Variants in ADAM8 observed in about 807,000 individuals in gnomAD.
ADAM8 encodes ADAM metallopeptidase domain 8.
ADAM8 carries 104 observed loss-of-function variants against 102.4 expected under a neutral mutation model. The ratio of observed to expected loss-of-function variants is 1.02; its 90% confidence interval spans 0.87 to 1.20. ADAM8 has a LOEUF of 1.20. Ranked by LOEUF, ADAM8 falls within the 50% of genes most tolerant of loss-of-function variation. The pLI is 0.00. For missense variants in ADAM8, 1,132 were observed against 1,159.0 expected, an observed-to-expected ratio of 0.98 and a Z score of 0.34; for synonymous variants, 517 against 485.2, an observed-to-expected ratio of 1.07 and a Z score of -0.86.
In ADAM8 at chr10:133,273,982, C is replaced by T. The variant is rs771358569; in HGVS notation, c.275G>A (p.Gly92Asp). 6.2e-7 allele frequency: 1 copy of T among 1,606,360 alleles called. No homozygotes were observed. The highest frequency in any genetic ancestry group is 8.5e-7 in the Non-Finnish European group (1 of 1,178,360). The change falls in exon 4 of 23, where the codon GGC becomes GAC. Residue 92 changes from glycine (G) to aspartate (D), a missense_variant. Physicochemically the swap from Gly to Asp is moderately conservative, Grantham distance 94 (BLOSUM62 -1). Transcript: ENST00000445355. Reference protein sequence around the residue: ...GYTETYTAANGSEVTEQPRGQ... With the variant: ...GYTETYTAANDSEVTEQPRGQ... Reference sequence around the variant, plus strand: ...GCGAGGCTGCTCCGTCACCTCGGAGCCATTGGCAGCCGTATAGGTCTCTGT... The same window carrying T: ...GCGAGGCTGCTCCGTCACCTCGGAGTCATTGGCAGCCGTATAGGTCTCTGT...
At position 133,273,407 on chromosome 10, in the gene ADAM8, G is replaced by A. The variant is rs1002438265; in HGVS notation, c.420C>T (p.Ile140=). ...CCTCGCCACCTTCATCCAGGGGCTC[G>A]ATCAGGTGCAGGTCTGACCCCACCT... The part of the protein sequence containing the change: ...FFQVGSDLHL[I]EPLDEGGEGG... The change falls in exon 6 of 23, where the codon ATC becomes ATT. Residue 140 remains isoleucine (I), a synonymous_variant. Coordinates refer to ENST00000445355, the MANE Select transcript of ADAM8 (RefSeq NM_001109.5). 33 of 1,548,710 alleles carry A rather than the reference G, an allele frequency of 2.1e-5. No individual in the cohort carries two copies. The East Asian group carries it at 2.9e-4, about 14-fold the overall frequency.
chr10:133,267,229 C>T (rs1487474229), intron 21 of ADAM8, 123 bp downstream of exon 21: 5 of 1,130,770 alleles, frequency 4.4e-6, no homozygotes, highest in East Asian at 2.6e-5. Flanking sequence ...GCTAACCAGC[C>T]TTCTGTGTAC....
chr10:133,266,002 C>T (rs118085104), intron 21 of ADAM8, among the ~76,000 whole-genome samples: 134 of 152,252 alleles, frequency 8.8e-4, no homozygotes, highest in Admixed American at 1.8e-3. Flanking sequence ...TCCAACTAGG[C>T]GCTGTGTCAA....
chr10:133,273,412 G>A lies in ADAM8; in HGVS notation c.415C>T (p.Leu139=), dbSNP rs1846624749. 3 of 1,547,584 alleles carry A rather than the reference G, an allele frequency of 1.9e-6. No homozygotes were observed. The highest frequency in any genetic ancestry group is 2.6e-6 in the Non-Finnish European group (3 of 1,145,324). The part of the protein sequence containing the change: ...GFFQVGSDLH[L]IEPLDEGGEG... ...CCACCTTCATCCAGGGGCTCGATCA[G>A]GTGCAGGTCTGACCCCACCTGGAAG... Residue 139 remains leucine, a synonymous_variant, in exon 6 of 23, where the codon CTG becomes TTG. Transcript: ENST00000445355.
chr10:133,268,830 C>G lies in ADAM8; in HGVS notation c.1981G>C (p.Val661Leu), dbSNP rs1846419745. 3 of 1,610,108 alleles carry G rather than the reference C, an allele frequency of 1.9e-6. No homozygotes were observed. In the South Asian group the frequency reaches 3.3e-5, roughly 18 times the overall value. The change falls in exon 19 of 23, where the codon GTT (valine) becomes CTT (leucine). Residue 661 changes from valine to leucine, a missense_variant. By Grantham distance (32) the Val-to-Leu change is conservative. Transcript: ENST00000445355. ...SGSLPVFVVV[V>L]LVLLAVVLVT... ...AGCACAACTGCCAGGAGCACCAGAA[C>G]CACCACCACGAAGACGGGGAGGCTC...
chr10:133,272,401 G>T lies in ADAM8; in HGVS notation c.875+15C>A. 2 of 714,512 alleles carry T rather than the reference G, an allele frequency of 2.8e-6. No individual in the cohort carries two copies. The highest frequency in any genetic ancestry group is 1.9e-6 in the Non-Finnish European group (1 of 521,052). 44.3% of individuals were successfully genotyped at this position (714,512 alleles called of 1,614,324 possible). ...CTCCCCAGCCCTCCCCACCCTGCCC[G>T]CTCCGCCAGCTCACGTGATGAGCTG... is the stretch of plus-strand genomic sequence containing the variant. On this transcript the variant is annotated intron_variant, in intron 9 of 22. Transcript: ENST00000445355.
chr10:133,271,096 AT>A (rs1468290156), intron 13 of ADAM8, 26 bp from the exon 14 acceptor site: 1 of 1,603,732 alleles, frequency 6.2e-7, no homozygotes, highest in South Asian at 1.1e-5. Context: ...ACAGCTCACC[AT>A]GGGGACAGGT....
rs539284986 is a variant in ADAM8 at position 133,262,899 on chromosome 10, G to A, written c.*257C>T. 3 of 615,428 alleles carry A rather than the reference G, an allele frequency of 4.9e-6. No homozygotes were observed. Among genetic ancestry groups the A allele is most frequent in the Non-Finnish European group, 5.9e-6 (2 of 341,390 alleles). The allele number at this position is 615,428 out of a possible 1,614,324, so 38.1% of individuals were successfully genotyped here. A position where few individuals can be genotyped will look rare whatever the true frequency, so the allele number is the denominator to read the frequency against. On this transcript the variant is annotated 3_prime_UTR_variant, in exon 23 of 23. Coordinates refer to ENST00000445355, the MANE Select transcript of ADAM8 (RefSeq NM_001109.5). ...GAGACACGTACACACACACGCACCC[G>A]CAAGCACACAGCTCATCCCAGCCTG...
rs1846558150 is a variant in ADAM8 at position 133,272,272 on chromosome 10, C to T, written c.878G>A (p.Gly293Asp). Residue 293 changes from glycine to aspartate, a missense_variant and splice_region_variant, in exon 10 of 23, where the codon GGT becomes GAT. Coordinates refer to ENST00000445355, the MANE Select transcript of ADAM8 (RefSeq NM_001109.5). ...CACGGTAGTCCCGGTGAAGTCGACA[C>T]CCCTGGAAGTGGGAGTGACACAGAT... ...HLHDNVQLITGVDFTGTTVGF... is the reference protein window; with the variant it reads ...HLHDNVQLITDVDFTGTTVGF... 1.3e-6 allele frequency: 2 copies of T among 1,531,258 alleles called. No individual in the cohort carries two copies. The highest frequency in any genetic ancestry group is 8.8e-7 in the Non-Finnish European group (1 of 1,134,088). The allele number at this position is 1,531,258 out of a possible 1,614,324, so 94.9% of individuals were successfully genotyped here.
rs773735438 is a variant in ADAM8, at chr10:133,269,880, C to T, written c.1863+17G>A. 1.9e-5 allele frequency: 31 copies of T among 1,612,132 alleles called. No homozygotes were observed. The highest frequency in any genetic ancestry group is 4.5e-5 in the East Asian group (2 of 44,894). On this transcript the variant is annotated intron_variant, in intron 17 of 22. Coordinates refer to ENST00000445355, the MANE Select transcript of ADAM8 (RefSeq NM_001109.5). ...CAGCCTCTGTGCAGGGGCCCTGTCC[C>T]GAGAGGCCACACATACCCCATGGTT... is the stretch of plus-strand genomic sequence containing the variant.
At chr10:133,267,896 C>A in intron 20 of ADAM8, 33 bp downstream of exon 20, 1 of 1,255,768 alleles carries the variant, frequency 8.0e-7, no homozygotes, top group Non-Finnish European at 1.0e-6. Flanking sequence ...GCACTGCTTT[C>A]GGCCTCATGA....
intron 17 of ADAM8, 129 bp from the exon 18 acceptor site, chr10:133,269,658 G>A (rs1227413839): frequency 1.8e-5 from 19 of 1,057,718 alleles, no homozygotes; most frequent in Admixed American, 8.4e-5. Context: ...GCCCACATGC[G>A]CCGACGGCGA....
chr10:133,264,058 CTTTTT>C (rs3058139), intron 21 of ADAM8, among the ~76,000 whole-genome samples: 6,067 of 84,188 alleles, frequency 0.072, 412 homozygotes, highest in African/African-American at 0.2. Context: ...TTTTCCTTTC[CTTTTT>C]TTTTTTTTTT....
chr10:133,269,629 CG>C, intron 17 of ADAM8, 100 bp from the exon 18 acceptor site: 1 of 1,255,622 alleles, frequency 8.0e-7, no homozygotes. Flanking sequence ...GCCCCACCCC[CG>C]AGGGCCCCTC....
chr10:133,268,682 C>G, intron 19 of ADAM8, 66 bp downstream of exon 19: 1 of 1,522,086 alleles, frequency 6.6e-7, no homozygotes, highest in Non-Finnish European at 8.9e-7. Context: ...GCTGGGCACT[C>G]CTTCCTCTGG....
In ADAM8 at chr10:133,272,256, C is replaced by A. The variant is rs149032810; in HGVS notation, c.894G>T (p.Gly298=). The A allele has an allele frequency of 1.9e-6, 3 of 1,539,312 alleles. No homozygotes were observed. The highest frequency in any genetic ancestry group is 2.6e-6 in the Non-Finnish European group (3 of 1,139,154). The change falls in exon 10 of 23, where the codon GGG becomes GGT. Residue 298 remains glycine (G), a synonymous_variant. Transcript: ENST00000445355. ...VQLITGVDFT[G]TTVGFARVSA... ...ACACCCTGGCAAACCCCACGGTAGTCCCGGTGAAGTCGACACCCCTGGAAG... is the reference window on the plus strand; with the variant it reads ...ACACCCTGGCAAACCCCACGGTAGTACCGGTGAAGTCGACACCCCTGGAAG...
chr10:133,269,140 T>C (rs1846431607), intron 18 of ADAM8: 2 of 985,248 alleles, frequency 2.0e-6, no homozygotes, highest in African/African-American at 3.5e-5. Flanking sequence ...GGGGAGGAAA[T>C]GCTGGGTGGC....
chr10:133,267,910 C>T lies in ADAM8; in HGVS notation c.2253+19G>A, dbSNP rs530271981. 25 of 1,257,464 alleles carry T rather than the reference C, an allele frequency of 2.0e-5. No individual in the cohort carries two copies. In the African/African-American group the frequency reaches 3.4e-4, roughly 17 times the overall value. 77.9% of individuals were successfully genotyped at this position (1,257,464 alleles called of 1,614,324 possible). On this transcript the variant is annotated intron_variant, in intron 20 of 22. Transcript: ENST00000445355. Reference sequence around the variant, plus strand: ...GGCACTGCTTTCGGCCTCATGAACCCGCCAGGGGTGGTGCTTACAGCAGGG... The same window carrying T: ...GGCACTGCTTTCGGCCTCATGAACCTGCCAGGGGTGGTGCTTACAGCAGGG...
At chr10:133,265,417 T>C (rs558128686) in intron 21 of ADAM8, among the ~76,000 whole-genome samples, 27 of 152,350 alleles carry the variant, frequency 1.8e-4, no homozygotes, top group African/African-American at 5.8e-4. Flanking sequence ...TCCAGACCCC[T>C]TCTAGGACTA....
Sources: gnomAD v4.1 joint callset for allele counts (sites outside exome capture counted in the v4.1 genomes callset) on GRCh38, gnomAD v4.1.1 for gene constraint, MANE v1.5 for transcripts, NCBI Gene and HGNC (gene_info 2026-07-23, HGNC 2026-07-21) for gene names.